NHS: variants seen among roughly 807,000 people sequenced by gnomAD.
NHS encodes the protein NHS actin remodeling regulator.
Under a neutral mutation model 72.5 loss-of-function variants are expected in NHS, and 5 were observed. The ratio of observed to expected loss-of-function variants is 0.07; its 90% CI spans 0.04 to 0.14. The LOEUF is 0.14. NHS is among the 10% of genes least tolerant of loss of function. The probability of loss-of-function intolerance (pLI) is 1.00; values close to 1 mark genes in which losing one functional copy is unlikely to be tolerated. For synonymous variants in NHS, 464 were observed against 547.7 expected (o/e 0.85, Z 2.13); for missense variants, 1,072 against 1,355.7 (o/e 0.79, Z 3.29).
At chrX:17,634,667 T>C (rs1309741538) in intron 1 of NHS, among the ~76,000 whole-genome samples, 2 of 99,988 alleles carry the variant, frequency 2.0e-5, no homozygotes, top group Non-Finnish European at 4.0e-5. Flanking sequence ...GCGCTATTAC[T>C]GCTGTTATCA....
At chrX:17,398,123 T>C (rs2064485384) in intron 1 of NHS, among the ~76,000 whole-genome samples, 1 of 111,991 alleles carries the variant, frequency 8.9e-6, no homozygotes, top group Non-Finnish European at 1.9e-5. Flanking sequence ...TTCCAGACTT[T>C]ATCTCAAGAT....
intron 1 of NHS, among the ~76,000 whole-genome samples, chrX:17,554,997 C>A (rs964711824): frequency 3.6e-5 from 4 of 110,783 alleles, no homozygotes; most frequent in African/African-American, 1.3e-4. Context: ...CTATCCCTCC[C>A]CTTCCCCTCC....
At chrX:17,463,108 A>G (rs2064855520) in intron 1 of NHS, among the ~76,000 whole-genome samples, 1 of 112,367 alleles carries the variant, frequency 8.9e-6, no homozygotes, top group African/African-American at 3.2e-5. Context: ...ATGCTCACTC[A>G]TCTGGGTCTC....
intron 1 of NHS, among the ~76,000 whole-genome samples, chrX:17,641,370 T>A (rs747212738): frequency 3.1e-4 from 35 of 111,867 alleles, no homozygotes; most frequent in African/African-American, 1.0e-3. Context: ...GATACACCCT[T>A]GATTCATATG....
chrX:17,560,234 G>A (rs1222958476), intron 1 of NHS, among the ~76,000 whole-genome samples: 2 of 111,531 alleles, frequency 1.8e-5, no homozygotes, highest in Non-Finnish European at 3.8e-5. Context: ...TCCAAGCCCT[G>A]TTTAACTTAC....
intron 1 of NHS, among the ~76,000 whole-genome samples, chrX:17,441,113 A>T (rs761805940): frequency 9.0e-6 from 1 of 111,557 alleles, no homozygotes; most frequent in Admixed American, 9.4e-5. Context: ...ATTCTTTTCC[A>T]CTCTGCATTG....
chrX:17,379,938 A>C (rs1455991679), intron 1 of NHS, among the ~76,000 whole-genome samples: 2 of 111,858 alleles, frequency 1.8e-5, no homozygotes, highest in African/African-American at 6.5e-5. Flanking sequence ...ACATAATTAC[A>C]TGTGTGAGTT....
intron 1 of NHS, among the ~76,000 whole-genome samples, chrX:17,548,791 A>T (rs1345457692): frequency 8.9e-6 from 1 of 111,741 alleles, no homozygotes; most frequent in Non-Finnish European, 1.9e-5. Context: ...ATTGCAGAAT[A>T]AAAGCTAGGC....
chrX:17,456,300 T>TC (rs2064825487), intron 1 of NHS, among the ~76,000 whole-genome samples: 1 of 111,665 alleles, frequency 9.0e-6, no homozygotes, highest in African/African-American at 3.3e-5. Flanking sequence ...TAGAAGAGTC[T>TC]GGGTTATTGG....
chrX:17,570,636 C>G (rs1362410916), intron 1 of NHS, among the ~76,000 whole-genome samples: 5 of 111,928 alleles, frequency 4.5e-5, no homozygotes, highest in African/African-American at 1.6e-4. Context: ...CTGACTTCCT[C>G]TCTTCCTATC....
intron 1 of NHS, among the ~76,000 whole-genome samples, chrX:17,549,480 G>T: frequency 9.0e-6 from 1 of 111,367 alleles, no homozygotes; most frequent in East Asian, 2.9e-4. Context: ...CAAGCCCAGG[G>T]CTCTCCTCCT....
At chrX:17,443,704 C>T (rs1455167352) in intron 1 of NHS, among the ~76,000 whole-genome samples, 3 of 112,075 alleles carry the variant, frequency 2.7e-5, no homozygotes, top group African/African-American at 9.7e-5. Context: ...AAGCCTTTCC[C>T]TCTGCCTTGT....
chrX:17,417,793 A>G (rs935953462), intron 1 of NHS, among the ~76,000 whole-genome samples: 1 of 112,490 alleles, frequency 8.9e-6, no homozygotes, highest in Non-Finnish European at 1.9e-5. Flanking sequence ...TGGTCAAGAT[A>G]TCTGCATATT....
chrX:17,569,366 G>T (rs1476215328), intron 1 of NHS, among the ~76,000 whole-genome samples: 1 of 104,135 alleles, frequency 9.6e-6, no homozygotes, highest in Non-Finnish European at 1.9e-5. Flanking sequence ...TTCTAAAACT[G>T]GTGTGAGATG....
intron 1 of NHS, among the ~76,000 whole-genome samples, chrX:17,671,578 C>T (rs1247699549): frequency 1.8e-5 from 2 of 112,341 alleles, no homozygotes; most frequent in African/African-American, 3.2e-5. Flanking sequence ...GCAGTACCTA[C>T]TATGTGTCCA....
intron 3 of NHS, among the ~76,000 whole-genome samples, chrX:17,700,819 T>C (rs947750211): frequency 6.6e-4 from 74 of 111,694 alleles, no homozygotes; most frequent in African/African-American, 2.3e-3. Context: ...TATGAACTGA[T>C]AAGGAGTGAT....
Position 17,725,470 on chromosome X carries a change from T to C in NHS, c.1364T>C (p.Leu455Pro), listed in dbSNP as rs1417192443. ...RDSECQTEDI[L>P]IAAPSRRRIR... ...TCTGAGTGCCAAACCGAGGATATTCTGATTGCTGCCCCATCCAGAAGGAGA... is the reference window on the plus strand; with the variant it reads ...TCTGAGTGCCAAACCGAGGATATTCCGATTGCTGCCCCATCCAGAAGGAGA... Residue 455 changes from leucine to proline, a missense_variant, in exon 7 of 9, where the codon CTG becomes CCG. Leu to Pro is a moderately conservative substitution (Grantham distance 98, BLOSUM62 -3). Transcript: ENST00000676302. The C allele has an allele frequency of 5.0e-6, 6 of 1,209,790 alleles. No individual in the cohort carries two copies. The highest frequency in any genetic ancestry group is 3.0e-5 in the East Asian group (1 of 33,753).
chrX:17,594,006 G>A (rs981889677), intron 1 of NHS, among the ~76,000 whole-genome samples: 2 of 111,715 alleles, frequency 1.8e-5, no homozygotes, highest in Non-Finnish European at 3.8e-5. Context: ...CTAAGGAGAA[G>A]CACCTACTAT....
chrX:17,707,985 T>C (rs896987381), intron 3 of NHS, among the ~76,000 whole-genome samples: 5 of 111,769 alleles, frequency 4.5e-5, no homozygotes, highest in Non-Finnish European at 9.4e-5. Flanking sequence ...GACAAGTCTA[T>C]TTTACCTTTA....
Sources: allele counts gnomAD v4.1 joint callset (sites outside exome capture counted in the v4.1 genomes callset), GRCh38; gene constraint gnomAD v4.1.1; transcripts MANE v1.5; gene names NCBI Gene and HGNC (gene_info 2026-07-23, HGNC 2026-07-21).